Variants in H3-3A observed in about 807,000 individuals in gnomAD.
H3-3A encodes the protein histone H3.3.
For missense variants in H3-3A, 7 were observed against 184.0 expected (o/e 0.04, Z 5.57); for synonymous variants, 49 against 61.4 (o/e 0.80, Z 0.95).
intron 2 of H3-3A, among the ~76,000 whole-genome samples, chr1:226,064,984 A>G (rs1162674746): frequency 1.3e-5 from 2 of 152,218 alleles, no homozygotes; most frequent in Non-Finnish European, 2.9e-5. Flanking sequence ...GGCATCTGCC[A>G]TTAGAGGGCA....
chr1:226,069,187 C>A lies in H3-3A; in HGVS notation c.283-2164C>A, dbSNP rs562131464. The stretch of plus-strand genomic sequence containing the variant: ...TCAGCCTCCCAAGTAGCTGGGACTA[C>A]AGGCACATGCCACCACGCCCAGCTA... On this transcript the variant is annotated intron_variant, in intron 3 of 3. Coordinates refer to ENST00000366815, the MANE Select transcript of H3-3A (RefSeq NM_002107.7). Among the ~76,000 whole-genome samples the A allele has an allele frequency of 2.6e-5, 4 of 152,048 alleles. No individual in the cohort carries two copies. The East Asian group carries it at 5.8e-4, about 22-fold the overall frequency.
intron 3 of H3-3A, among the ~76,000 whole-genome samples, chr1:226,069,907 A>C (rs1462203704): frequency 6.6e-6 from 1 of 152,238 alleles, no homozygotes; most frequent in African/African-American, 2.4e-5. Context: ...AGACAGCTAT[A>C]AGTATACTAA....
chr1:226,063,689 A>G (rs1372375454), intron 1 of H3-3A, among the ~76,000 whole-genome samples: 1 of 151,984 alleles, frequency 6.6e-6, no homozygotes, highest in Non-Finnish European at 1.5e-5. Flanking sequence ...GTCGTGCGTT[A>G]ATTAAAGCCT....
At chr1:226,062,094 G>A (rs1448176052), upstream of H3-3A, 1 of 152,190 alleles carries the variant, frequency 6.6e-6, no homozygotes, top group East Asian at 1.9e-4. Flanking sequence ...GCAGCGGCCA[G>A]GTCCGACAGC....
intron 3 of H3-3A, among the ~76,000 whole-genome samples, chr1:226,067,708 C>G (rs902482692): frequency 6.7e-6 from 1 of 150,262 alleles, no homozygotes; most frequent in African/African-American, 2.5e-5. Context: ...CGCCATTGCA[C>G]TCCAGCCTGG....
intron 3 of H3-3A, among the ~76,000 whole-genome samples, chr1:226,070,018 A>G (rs983583650): frequency 2.6e-5 from 4 of 152,160 alleles, no homozygotes; most frequent in Non-Finnish European, 5.9e-5. Flanking sequence ...TTTAAGTGGT[A>G]GTAGGAATAA....
chr1:226,070,016 G>T (rs765057272), intron 3 of H3-3A, among the ~76,000 whole-genome samples: 37 of 152,116 alleles, frequency 2.4e-4, no homozygotes, highest in Non-Finnish European at 4.0e-4. Context: ...TTTTTAAGTG[G>T]TAGTAGGAAT....
At chr1:226,062,978 G>T (rs2102733558) in intron 1 of H3-3A, among the ~76,000 whole-genome samples, 167 bp downstream of exon 1, 1 of 152,022 alleles carries the variant, frequency 6.6e-6, no homozygotes. Context: ...GTTCCCTCTG[G>T]CGGCGGCGGC....
At chr1:226,071,104 TAAC>T (rs773517838) in intron 3 of H3-3A, among the ~76,000 whole-genome samples, 37 of 152,236 alleles carry the variant, frequency 2.4e-4, no homozygotes, top group Non-Finnish European at 4.6e-4. Flanking sequence ...AGTTTCCTAG[TAAC>T]AAAGTAATTT....
At chr1:226,066,491 T>C (rs1302966570) in intron 3 of H3-3A, 2 of 152,224 alleles carry the variant, frequency 1.3e-5, no homozygotes, top group Admixed American at 6.5e-5. Context: ...AATACTGTTC[T>C]AGAGATATTT....
intron 3 of H3-3A, 83 bp from the exon 4 acceptor site, chr1:226,071,268 A>G: frequency 8.8e-7 from 1 of 1,140,330 alleles, no homozygotes. Flanking sequence ...GGGTTCAAAA[A>G]CCTTTTTGTT....
At chr1:226,067,630 T>C (rs1657971917) in intron 3 of H3-3A, among the ~76,000 whole-genome samples, 1 of 151,720 alleles carries the variant, frequency 6.6e-6, no homozygotes, top group East Asian at 1.9e-4. Context: ...TAATCCCAGC[T>C]ACTAGGGAGG....
chr1:226,061,997 G>C (rs1056853254), upstream of H3-3A: 1 of 152,172 alleles, frequency 6.6e-6, no homozygotes, highest in Non-Finnish European at 1.5e-5. Flanking sequence ...TGTCTACGGC[G>C]GACTCGGGCC....
intron 3 of H3-3A, among the ~76,000 whole-genome samples, chr1:226,068,918 ATAAG>A (rs1658007810): frequency 6.6e-6 from 1 of 152,236 alleles, no homozygotes; most frequent in South Asian, 2.1e-4. Context: ...TAAAGGGTAG[ATAAG>A]TAAGACTTAG....
chr1:226,065,886 C>A, intron 3 of H3-3A, 77 bp downstream of exon 3: 2 of 1,071,422 alleles, frequency 1.9e-6, no homozygotes, highest in Non-Finnish European at 2.8e-6. Flanking sequence ...GTTGCATGTG[C>A]TTATATCATT....
rs559048047 is a variant in H3-3A, at chr1:226,065,908, C to T, written c.282+99C>T. On this transcript the variant is annotated intron_variant, in intron 3 of 3. Transcript: ENST00000366815. ...GTGCTTATATCATTTAATCACAAGC[C>T]TGTCAGGTAGTTGATATTGTTACTT... is the stretch of plus-strand genomic sequence containing the variant. The T allele has an allele frequency of 3.1e-5, 28 of 908,100 alleles. No individual in the cohort carries two copies. In the East Asian group the frequency reaches 5.8e-4, roughly 19 times the overall value. The allele number at this position is 908,100 out of a possible 1,614,324, so 56.3% of individuals were successfully genotyped here. A position where few individuals can be genotyped will look rare whatever the true frequency, so the allele number is the denominator to read the frequency against.
intron 3 of H3-3A, among the ~76,000 whole-genome samples, chr1:226,069,338 C>T (rs778351236): frequency 3.9e-5 from 6 of 151,992 alleles, no homozygotes; most frequent in Admixed American, 3.9e-4. Flanking sequence ...TGAGCCACCA[C>T]GGCACCTGGT....
At chr1:226,062,105 G>A (rs1179222444), upstream of H3-3A, 1 of 152,170 alleles carries the variant, frequency 6.6e-6, no homozygotes, top group East Asian at 1.9e-4. Context: ...GTCCGACAGC[G>A]GGCGCGGGAC....
intron 3 of H3-3A, among the ~76,000 whole-genome samples, chr1:226,067,761 A>T (rs1487069037): frequency 6.6e-6 from 1 of 151,598 alleles, no homozygotes; most frequent in Admixed American, 6.6e-5. Flanking sequence ...AAAAAAAGAT[A>T]ACAGAGGGAG....
Sources: allele counts gnomAD v4.1 joint callset (sites outside exome capture counted in the v4.1 genomes callset), GRCh38; gene constraint gnomAD v4.1.1; transcripts MANE v1.5; gene names NCBI Gene and HGNC (gene_info 2026-07-23, HGNC 2026-07-21).